Variants in GRM8 observed in about 807,000 individuals in gnomAD.
The protein encoded by GRM8 is metabotropic glutamate receptor 8.
GRM8 carries 47 observed loss-of-function variants against 87.2 expected under a neutral mutation model. The observed-to-expected ratio is 0.54, with a 90% confidence interval of 0.43 to 0.69. The LOEUF is 0.69. GRM8 is among the 30% of genes least tolerant of loss of function. The pLI is 0.00. For missense variants in GRM8, 1,019 were observed against 1,139.2 expected (o/e 0.89, Z 1.52); for synonymous variants, 396 against 404.5 (o/e 0.98, Z 0.25).
intron 3 of GRM8, among the ~76,000 whole-genome samples, chr7:127,013,372 T>C (rs956581985): frequency 5.3e-5 from 8 of 152,122 alleles, no homozygotes; most frequent in Non-Finnish European, 1.2e-4. Flanking sequence ...CAGAATGACC[T>C]CACCTCCACC....
rs556198261 is a variant in GRM8, at chr7:126,850,614, T to C, written c.1156+51928A>G. Among the ~76,000 whole-genome samples, 199 of 152,368 alleles carry C rather than the reference T, an allele frequency of 1.3e-3. 1 individual carries two copies. The highest frequency in any genetic ancestry group is 4.6e-3 in the African/African-American group (192 of 41,592). On this transcript the variant is annotated intron_variant, in intron 6 of 10. Coordinates refer to ENST00000339582, the MANE Select transcript of GRM8 (RefSeq NM_000845.3). Reference sequence around the variant, plus strand: ...GGAAGTTTCACTGTGGACTGAGTGCTGTCTGAAACTTCTATGATTATCTCA... The same window carrying C: ...GGAAGTTTCACTGTGGACTGAGTGCCGTCTGAAACTTCTATGATTATCTCA...
At chr7:127,132,057 C>A (rs13234354) in intron 2 of GRM8, among the ~76,000 whole-genome samples, 37,325 of 152,108 alleles carry the variant, frequency 0.25, 5,446 homozygotes, top group Non-Finnish European at 0.34. Context: ...AAACTATAAT[C>A]CATTATGCAC....
At chr7:126,974,216 T>C (rs1483811111) in intron 3 of GRM8, among the ~76,000 whole-genome samples, 1 of 152,154 alleles carries the variant, frequency 6.6e-6, no homozygotes, top group East Asian at 1.9e-4. Context: ...TATTCCAAAA[T>C]ACAGAAAAAG....
chr7:127,164,608 G>C (rs1793326112), intron 2 of GRM8, among the ~76,000 whole-genome samples: 1 of 152,046 alleles, frequency 6.6e-6, no homozygotes, highest in African/African-American at 2.4e-5. Flanking sequence ...CACAGACTTT[G>C]GAGAGTTCCA....
At chr7:127,032,227 C>G (rs1352310586) in intron 3 of GRM8, among the ~76,000 whole-genome samples, 1 of 152,090 alleles carries the variant, frequency 6.6e-6, no homozygotes, top group Non-Finnish European at 1.5e-5. Context: ...CCAGTGACAC[C>G]ACTGTGCTCA....
chr7:127,050,617 C>T (rs994326539), intron 3 of GRM8, among the ~76,000 whole-genome samples: 2 of 152,002 alleles, frequency 1.3e-5, no homozygotes, highest in Non-Finnish European at 2.9e-5. Context: ...CCAGAGAAGC[C>T]GAAGCATGCA....
intron 2 of GRM8, among the ~76,000 whole-genome samples, chr7:127,172,427 G>A (rs1335719667): frequency 6.6e-6 from 1 of 152,058 alleles, no homozygotes; most frequent in African/African-American, 2.4e-5. Context: ...CAATTTGGCT[G>A]GGTGTGGTGG....
chr7:126,830,541 C>T (rs878981563), intron 6 of GRM8, among the ~76,000 whole-genome samples: 4 of 152,204 alleles, frequency 2.6e-5, no homozygotes, highest in African/African-American at 9.7e-5. Flanking sequence ...CGAGCCTTGG[C>T]TTTCAGCTCC....
At chr7:126,846,418 G>C (rs989081242) in intron 6 of GRM8, among the ~76,000 whole-genome samples, 1 of 152,170 alleles carries the variant, frequency 6.6e-6, no homozygotes, top group South Asian at 2.1e-4. Flanking sequence ...AAGTGTAATG[G>C]TATCTTACCT....
intron 9 of GRM8, among the ~76,000 whole-genome samples, 180 bp downstream of exon 9, chr7:126,532,772 T>G (rs1419562880): frequency 1.4e-4 from 1 of 7,000 alleles, no homozygotes; most frequent in South Asian, 6.7e-3. Flanking sequence ...GAGATATATA[T>G]ATATATATAT....
intron 3 of GRM8, among the ~76,000 whole-genome samples, chr7:126,909,616 C>T (rs1383966460): frequency 6.6e-6 from 1 of 152,184 alleles, no homozygotes; most frequent in African/African-American, 2.4e-5. Flanking sequence ...AATTTCCTGG[C>T]TAGTTTCCTT....
chr7:126,881,390 C>G (rs148965420), intron 6 of GRM8, among the ~76,000 whole-genome samples: 1 of 152,162 alleles, frequency 6.6e-6, no homozygotes, highest in Non-Finnish European at 1.5e-5. Context: ...TCACGGCCAG[C>G]GCACAGGACC....
At chr7:127,098,992 C>T (rs750560610) in intron 3 of GRM8, among the ~76,000 whole-genome samples, 1 of 152,142 alleles carries the variant, frequency 6.6e-6, no homozygotes, top group Non-Finnish European at 1.5e-5. Flanking sequence ...GCTTTAGCTT[C>T]CTTGCCCCTT....
At chr7:126,722,299 C>T (rs1201024070) in intron 7 of GRM8, among the ~76,000 whole-genome samples, 1 of 152,082 alleles carries the variant, frequency 6.6e-6, no homozygotes, top group Non-Finnish European at 1.5e-5. Context: ...GTGAGTTAGC[C>T]TAGATTCTAT....
rs10277375 is a variant in GRM8 at position 126,453,114 on chromosome 7, T to C, written c.2431-6742A>G. 4.5e-3 allele frequency among the ~76,000 whole-genome samples: 558 copies of C among 122,722 alleles called. 3 individuals are homozygous for C. The highest frequency in any genetic ancestry group is 0.017 in the African/African-American group (469 of 27,950). The allele number at this position is 122,722 out of a possible 152,430, so 80.5% of individuals were successfully genotyped here. A position where few individuals can be genotyped will look rare whatever the true frequency, so the allele number is the denominator to read the frequency against. On this transcript the variant is annotated intron_variant, in intron 9 of 10. Coordinates refer to ENST00000339582, the MANE Select transcript of GRM8 (RefSeq NM_000845.3). ...ACACACACACACACACACACACACA[T>C]ACAAGCAAAATGGTTTATTCATAAG... is the stretch of plus-strand genomic sequence containing the variant.
intron 2 of GRM8, among the ~76,000 whole-genome samples, chr7:127,133,090 G>C (rs1337151202): frequency 1.3e-5 from 2 of 152,178 alleles, no homozygotes; most frequent in African/African-American, 2.4e-5. Context: ...AATTGTGCCT[G>C]TTCAGAGGCA....
intron 8 of GRM8, among the ~76,000 whole-genome samples, chr7:126,543,058 A>C (rs1420503346): frequency 6.6e-6 from 1 of 152,190 alleles, no homozygotes; most frequent in Non-Finnish European, 1.5e-5. Context: ...CATAAATCCA[A>C]TAAACCAGCC....
chr7:126,480,486 A>T (rs61055058), intron 9 of GRM8, among the ~76,000 whole-genome samples: 1,969 of 152,214 alleles, frequency 0.013, 42 homozygotes, highest in African/African-American at 0.046. Context: ...ATAATTGGTA[A>T]ATTTGTTTCT....
chr7:126,729,836 A>C (rs1273291974), intron 7 of GRM8, among the ~76,000 whole-genome samples: 1 of 152,182 alleles, frequency 6.6e-6, no homozygotes, highest in Non-Finnish European at 1.5e-5. Context: ...TTGAGGCAAA[A>C]GTAAAGACCT....
Sources: gnomAD v4.1 joint callset for allele counts (sites outside exome capture counted in the v4.1 genomes callset) on GRCh38, gnomAD v4.1.1 for gene constraint, MANE v1.5 for transcripts, NCBI Gene and HGNC (gene_info 2026-07-23, HGNC 2026-07-21) for gene names.